PLAUR: variants seen among roughly 807,000 people sequenced by gnomAD.
PLAUR encodes urokinase plasminogen activator surface receptor.
PLAUR carries 22 observed loss-of-function variants against 33.4 expected under a neutral mutation model. The ratio of observed to expected loss-of-function variants is 0.66; its 90% CI spans 0.47 to 0.94. The LOEUF (loss-of-function observed/expected upper bound fraction) is 0.94. PLAUR is among the 40% of genes least tolerant of loss of function. PLAUR has a pLI of 0.00. For synonymous variants in PLAUR, 148 were observed against 167.3 expected (o/e 0.88, Z 0.89); for missense variants, 408 against 434.7 (o/e 0.94, Z 0.55).
chr19:43,660,119 T>TTTTTGTTTTG (rs71169270), intron 3 of PLAUR, among the ~76,000 whole-genome samples: 53 of 151,364 alleles, frequency 3.5e-4, no homozygotes, highest in African/African-American at 1.1e-3. Context: ...TATTTTTTGT[T>TTTTTGTTTTG]TTTTGTTTTG....
chr19:43,656,682 A>G, intron 3 of PLAUR, 42 bp from the exon 4 acceptor site: 2 of 1,502,006 alleles, frequency 1.3e-6, no homozygotes, highest in South Asian at 1.3e-5. Flanking sequence ...CCATGGGGAC[A>G]GTCCTGGAGC....
intron 3 of PLAUR, among the ~76,000 whole-genome samples, chr19:43,657,466 G>A (rs4251944): frequency 0.025 from 3,871 of 152,266 alleles, 93 homozygotes; most frequent in East Asian, 0.081. Context: ...GACGACACAT[G>A]TTCCCTGGCA....
At chr19:43,663,704 C>T (rs566056020) in intron 3 of PLAUR, among the ~76,000 whole-genome samples, 6 of 151,274 alleles carry the variant, frequency 4.0e-5, no homozygotes, top group African/African-American at 1.5e-4. Context: ...TCGCTCGAGC[C>T]TAGGAGGCGG....
chr19:43,655,005 GT>G (rs1245179903), intron 5 of PLAUR, among the ~76,000 whole-genome samples: 1 of 152,146 alleles, frequency 6.6e-6, no homozygotes, highest in South Asian at 2.1e-4. Context: ...GCTGGGTGCA[GT>G]GGCTCATGCC....
Position 43,650,713 on chromosome 19 carries a change from G to A in PLAUR, c.754+1512C>T, listed in dbSNP as rs533533654. Among the ~76,000 whole-genome samples the A allele has an allele frequency of 3.3e-5, 5 of 152,178 alleles. No homozygotes were observed. The East Asian group carries it at 9.7e-4, about 29-fold the overall frequency. Reference sequence around the variant, plus strand: ...GTGTAATGAGTTTTTATTGTTATAAGATGAATTCATAAATAAATCTTTAAA... The same window carrying A: ...GTGTAATGAGTTTTTATTGTTATAAAATGAATTCATAAATAAATCTTTAAA... On this transcript the variant is annotated intron_variant, in intron 6 of 6. Coordinates refer to ENST00000340093, the MANE Select transcript of PLAUR (RefSeq NM_002659.4).
At chr19:43,659,555 T>C (rs533813109) in intron 3 of PLAUR, among the ~76,000 whole-genome samples, 88 of 152,176 alleles carry the variant, frequency 5.8e-4, no homozygotes, top group Middle Eastern at 3.4e-3. Context: ...CACTCACAAA[T>C]CTCTCTCTAG....
At chr19:43,661,450 G>A (rs1199152363) in intron 3 of PLAUR, 2 of 151,618 alleles carry the variant, frequency 1.3e-5, no homozygotes, top group Non-Finnish European at 2.9e-5. Context: ...AGGCTGGAGT[G>A]CAGTCGTGTG....
intron 3 of PLAUR, among the ~76,000 whole-genome samples, chr19:43,661,974 C>T (rs1427897396): frequency 6.6e-6 from 1 of 152,116 alleles, no homozygotes; most frequent in Non-Finnish European, 1.5e-5. Flanking sequence ...TCAAGCAGTC[C>T]TCCTGCCTTG....
Position 43,670,082 on chromosome 19 carries a change from G to GAGCAGCAGCAGC in PLAUR, c.27_38dup (p.Leu10_Leu13dup). ...AGCCCCTACCTGGGACGCAGGTGTG[G>GAGCAGCAGCAGC]AGCAGCAGCAGCAGCGGCAGCAGCG... On this transcript the variant is annotated inframe_insertion, in exon 1 of 7. Transcript: ENST00000340093. The GAGCAGCAGCAGC allele has an allele frequency of 6.2e-7, 1 of 1,613,060 alleles. No individual in the cohort carries two copies. The highest frequency in any genetic ancestry group is 1.7e-5 in the Admixed American group (1 of 59,978).
At position 43,648,976 on chromosome 19, in the gene PLAUR, G is replaced by A. The variant is rs779002802; in HGVS notation, c.922C>T (p.Pro308Ser). The A allele has an allele frequency of 2.0e-5, 33 of 1,613,990 alleles. No individual in the cohort carries two copies. Among genetic ancestry groups the A allele is most frequent in the African/African-American group, 1.2e-4 (9 of 74,924 alleles). ...CTGAGATGGGCAGGGCCAGGCTGAG[G>A]AGCAGCCCCACTGCGGTACTGGACA... ...LDVQYRSGAA[P>S]QPGPAHLSLT... is the part of the protein sequence containing the mutation. The change falls in exon 7 of 7, where the codon CCT becomes TCT. Residue 308 changes from proline to serine, a missense_variant. Transcript: ENST00000340093.
At chr19:43,646,266 A>ATC (rs990518545), downstream of PLAUR, 37 of 555,730 alleles carry the variant, frequency 6.7e-5, no homozygotes, top group African/African-American at 6.3e-4. Context: ...ATAGGCACAC[A>ATC]ATGTGTTAGT....
intron 3 of PLAUR, among the ~76,000 whole-genome samples, chr19:43,659,900 A>C (rs1034377817): frequency 6.6e-6 from 1 of 152,174 alleles, no homozygotes; most frequent in Non-Finnish European, 1.5e-5. Flanking sequence ...GACTCTTTTA[A>C]AAAATGGATT....
Position 43,665,353 on chromosome 19 carries a change from A to G in PLAUR, c.273T>C (p.Val91=). 6.2e-7 allele frequency: 1 copy of G among 1,613,910 alleles called. No homozygotes were observed. The highest frequency in any genetic ancestry group is 1.6e-4 in the Middle Eastern group (1 of 6,062). Residue 91 remains valine, a synonymous_variant, in exon 3 of 7, where the codon GTT becomes GTC. Coordinates refer to ENST00000340093, the MANE Select transcript of PLAUR (RefSeq NM_002659.4). ...TGLKITSLTE[V]VCGLDLCNQG... Reference sequence around the variant, plus strand: ...GGTTGCACAAGTCTAACCCACACACAACCTCGGTAAGGCTGGTGATCTTCA... The same window carrying G: ...GGTTGCACAAGTCTAACCCACACACGACCTCGGTAAGGCTGGTGATCTTCA...
chr19:43,656,536 T>G lies in PLAUR; in HGVS notation c.415A>C (p.Ser139Arg). 6.2e-7 allele frequency: 1 copy of G among 1,612,038 alleles called. No individual in the cohort carries two copies. The highest frequency in any genetic ancestry group is 8.5e-7 in the Non-Finnish European group (1 of 1,178,692). ...RGRHQSLQCR[S>R]PEEQCLDVVT... is the part of the protein sequence containing the mutation. The stretch of plus-strand genomic sequence containing the variant: ...ACATCCAGGCACTGTTCTTCAGGGC[T>G]GCGGCACTGCAGGCTCTGGTGCCGG... Residue 139 changes from serine to arginine, a missense_variant, in exon 4 of 7, where the codon AGC becomes CGC. Transcript: ENST00000340093.
At chr19:43,647,512 TAAAG>T (rs1194761737), downstream of PLAUR, among the ~76,000 whole-genome samples, 1 of 152,012 alleles carries the variant, frequency 6.6e-6, no homozygotes, top group Admixed American at 6.6e-5. Flanking sequence ...TTGTAAGAAT[TAAAG>T]AAAGAGGAGG....
downstream of PLAUR, among the ~76,000 whole-genome samples, chr19:43,648,052 C>T (rs145233583): frequency 1.5e-3 from 229 of 150,156 alleles, 3 homozygotes; most frequent in African/African-American, 5.4e-3. Context: ...GTTGGAAAGT[C>T]TCTGGTCGGA....
chr19:43,666,013 A>G (rs1430559052), intron 2 of PLAUR, among the ~76,000 whole-genome samples: 2 of 151,560 alleles, frequency 1.3e-5, no homozygotes, highest in African/African-American at 4.8e-5. Context: ...GGATCCATCT[A>G]TCCCTCCCCC....
intron 5 of PLAUR, among the ~76,000 whole-genome samples, chr19:43,653,624 C>A (rs4251904): frequency 0.067 from 9,771 of 146,176 alleles, 370 homozygotes; most frequent in Middle Eastern, 0.21. Context: ...ACGCCACTGC[C>A]CTCCAGCCTG....
chr19:43,652,739 C>A (rs570822356), intron 5 of PLAUR, among the ~76,000 whole-genome samples: 6 of 152,160 alleles, frequency 3.9e-5, no homozygotes, highest in Non-Finnish European at 5.9e-5. Context: ...CAGCCTCGAC[C>A]ACCCCGGCTC....
Sources: allele counts gnomAD v4.1 joint callset (sites outside exome capture counted in the v4.1 genomes callset), GRCh38; gene constraint gnomAD v4.1.1; transcripts MANE v1.5; gene names NCBI Gene and HGNC (gene_info 2026-07-23, HGNC 2026-07-21).